Variants in TNKS observed in about 807,000 individuals in gnomAD.
The protein encoded by TNKS is poly [ADP-ribose] polymerase tankyrase-1.
TNKS carries 72 observed loss-of-function variants against 135.8 expected under a neutral mutation model. The ratio of observed to expected loss-of-function variants is 0.53; its 90% CI spans 0.44 to 0.64. TNKS has a LOEUF of 0.64. Among genes scored for constraint, TNKS ranks in the 30% least tolerant of loss-of-function variants. TNKS has a pLI of 0.00. For synonymous variants in TNKS, 849 were observed against 649.3 expected (o/e 1.31, Z -4.68); for missense variants, 1,769 against 1,674.0 (o/e 1.06, Z -0.99).
chr8:9,601,812 C>T (rs1245592231), intron 2 of TNKS, among the ~76,000 whole-genome samples: 1 of 152,122 alleles, frequency 6.6e-6, no homozygotes, highest in East Asian at 1.9e-4. Flanking sequence ...CTACTATTAT[C>T]TTTTCTACTT....
At chr8:9,763,798 A>C (rs1807274275) in intron 22 of TNKS, among the ~76,000 whole-genome samples, 1 of 152,202 alleles carries the variant, frequency 6.6e-6, no homozygotes, top group Non-Finnish European at 1.5e-5. Context: ...CTGACGGCTT[A>C]TGCATAAACA....
rs142864516 is a variant in TNKS, at chr8:9,709,653, A to G, written c.1579-302A>G. Among the ~76,000 whole-genome samples, 20 of 152,322 alleles carry G rather than the reference A, an allele frequency of 1.3e-4. No individual in the cohort carries two copies. The East Asian group carries it at 3.9e-3, about 29-fold the overall frequency. ...TAGATTTCTGTAGCGTTGCAGAGGC[A>G]TACGTATTATGATGCTCTCCATGGA... On this transcript the variant is annotated intron_variant, in intron 9 of 26. Coordinates refer to ENST00000310430, the MANE Select transcript of TNKS (RefSeq NM_003747.3).
chr8:9,600,427 C>T (rs758080506), intron 2 of TNKS, among the ~76,000 whole-genome samples: 16 of 152,138 alleles, frequency 1.1e-4, no homozygotes, highest in African/African-American at 2.4e-5. Flanking sequence ...GATCCTCCCA[C>T]TTCAGCTTCC....
At chr8:9,561,051 T>C (rs1253646227) in intron 1 of TNKS, among the ~76,000 whole-genome samples, 1 of 152,206 alleles carries the variant, frequency 6.6e-6, no homozygotes, top group African/African-American at 2.4e-5. Context: ...AGAGAAATGC[T>C]TACATAAATT....
intron 3 of TNKS, among the ~76,000 whole-genome samples, chr8:9,645,753 G>A (rs1179537180): frequency 6.6e-6 from 1 of 152,110 alleles, no homozygotes; most frequent in African/African-American, 2.4e-5. Context: ...TCTTATTCCT[G>A]TCATTTTAAC....
At chr8:9,631,568 A>T (rs1322951787) in intron 3 of TNKS, among the ~76,000 whole-genome samples, 1 of 152,224 alleles carries the variant, frequency 6.6e-6, no homozygotes, top group African/African-American at 2.4e-5. Context: ...TAGTTATCAC[A>T]ATCAAATTTG....
intron 3 of TNKS, among the ~76,000 whole-genome samples, chr8:9,656,611 C>CTTTTTCT (rs547797441): frequency 8.2e-4 from 112 of 136,466 alleles, no homozygotes; most frequent in African/African-American, 3.0e-3. Context: ...AAAGAATTTT[C>CTTTTTCT]TTTTTTTTTT....
intron 2 of TNKS, among the ~76,000 whole-genome samples, chr8:9,594,973 T>C (rs897898803): frequency 1.3e-5 from 2 of 152,354 alleles, no homozygotes; most frequent in Middle Eastern, 3.4e-3. Context: ...TCTCACACCT[T>C]CTTTACTGTT....
In TNKS at chr8:9,555,929, G is replaced by A. The variant is rs1165806300; in HGVS notation, c.-11G>A. On this transcript the variant is annotated 5_prime_UTR_variant, in exon 1 of 27. Transcript: ENST00000310430. ...CCGTTGCCGCAGTGACAGTGCTAGG[G>A]GAGTCCGAAGATGGCGGCGTCGCGT... 5 of 1,605,430 alleles carry A rather than the reference G, an allele frequency of 3.1e-6. No individual in the cohort carries two copies. Among genetic ancestry groups the A allele is most frequent in the Middle Eastern group, 1.9e-4 (1 of 5,216 alleles).
intron 2 of TNKS, among the ~76,000 whole-genome samples, chr8:9,612,839 A>ATAGT (rs1799511930): frequency 1.5e-5 from 2 of 135,754 alleles, no homozygotes; most frequent in South Asian, 4.7e-4. Flanking sequence ...GATAACATAA[A>ATAGT]CAGTCAACAC....
chr8:9,765,152 T>C (rs1361216498), intron 23 of TNKS, among the ~76,000 whole-genome samples: 2 of 152,214 alleles, frequency 1.3e-5, no homozygotes, highest in African/African-American at 2.4e-5. Context: ...TTCAATCTAA[T>C]TGAACCAGTA....
intron 2 of TNKS, among the ~76,000 whole-genome samples, chr8:9,593,101 C>G (rs1003003477): frequency 2.0e-5 from 3 of 152,080 alleles, no homozygotes; most frequent in Admixed American, 6.5e-5. Context: ...CTCTTGGGAG[C>G]TGAGGAGTTG....
chr8:9,627,453 C>T (rs1297990872), intron 3 of TNKS, among the ~76,000 whole-genome samples: 1 of 152,130 alleles, frequency 6.6e-6, no homozygotes, highest in Non-Finnish European at 1.5e-5. Flanking sequence ...CTTTGTGGGA[C>T]TGAGCCCTCA....
chr8:9,621,565 G>A (rs1235759120), intron 3 of TNKS, among the ~76,000 whole-genome samples: 3 of 151,652 alleles, frequency 2.0e-5, no homozygotes, highest in African/African-American at 4.8e-5. Context: ...CTCAGCCTCC[G>A]TAAGTGCTGG....
intron 11 of TNKS, among the ~76,000 whole-genome samples, chr8:9,714,497 GAC>G (rs1481881800): frequency 6.6e-6 from 1 of 151,976 alleles, no homozygotes; most frequent in East Asian, 1.9e-4. Context: ...AATTTTATAA[GAC>G]ACATATCTAA....
intron 18 of TNKS, among the ~76,000 whole-genome samples, chr8:9,750,618 A>G (rs1806469573): frequency 1.3e-5 from 2 of 152,130 alleles, no homozygotes; most frequent in South Asian, 4.2e-4. Flanking sequence ...AGCAATAACC[A>G]GGCCACCCTT....
At chr8:9,566,629 T>C (rs1317437519) in intron 1 of TNKS, 1 of 129,474 alleles carries the variant, frequency 7.7e-6, no homozygotes, top group African/African-American at 3.0e-5. Context: ...TGAGACGGAG[T>C]CTCGCTCTGT....
chr8:9,589,638 A>G (rs1234840650), intron 2 of TNKS, among the ~76,000 whole-genome samples: 1 of 152,236 alleles, frequency 6.6e-6, no homozygotes, highest in African/African-American at 2.4e-5. Flanking sequence ...GACGTTTCCT[A>G]GTGTGGACTT....
At chr8:9,750,969 C>T (rs1267424672) in intron 18 of TNKS, among the ~76,000 whole-genome samples, 1 of 152,196 alleles carries the variant, frequency 6.6e-6, no homozygotes, top group Non-Finnish European at 1.5e-5. Context: ...GTAGACACTG[C>T]CAATCCACTT....
Sources: gnomAD v4.1 joint callset for allele counts (sites outside exome capture counted in the v4.1 genomes callset) on GRCh38, gnomAD v4.1.1 for gene constraint, MANE v1.5 for transcripts, NCBI Gene and HGNC (gene_info 2026-07-23, HGNC 2026-07-21) for gene names.